CECR2: variants seen among roughly 807,000 people sequenced by gnomAD.
CECR2 encodes CECR2 histone acetyl-lysine reader.
In CECR2, 30 loss-of-function variants were observed where a neutral mutation model predicts 154.5. That is an observed-to-expected ratio of 0.19 (90% CI 0.15 to 0.26). The LOEUF (loss-of-function observed/expected upper bound fraction) is 0.26. Among genes scored for constraint, CECR2 ranks in the 10% least tolerant of loss-of-function variants. The pLI is 1.00. For missense variants in CECR2, 1,743 were observed against 1,829.3 expected (o/e 0.95, Z 0.86); for synonymous variants, 725 against 683.7 (o/e 1.06, Z -0.94).
chr22:17,526,233 A>G (rs1340851899), intron 9 of CECR2, among the ~76,000 whole-genome samples: 2 of 152,234 alleles, frequency 1.3e-5, no homozygotes, highest in Non-Finnish European at 2.9e-5. Flanking sequence ...ACCTGGAGGA[A>G]TTACCTGACT....
rs148664999 is a variant in CECR2 at position 17,471,149 on chromosome 22, C to T, written c.127-6439C>T. On this transcript the variant is annotated intron_variant, in intron 1 of 18. Coordinates refer to ENST00000262608, the MANE Select transcript of CECR2 (RefSeq NM_001290047.2). ...AAAGTAAAACTCTAGGAACCTGTGC[C>T]ATTTTTACCCTGTGGCTTTTTATAT... Among the ~76,000 whole-genome samples the T allele has an allele frequency of 9.4e-3, 1,429 of 152,286 alleles. 23 individuals are homozygous for T. The highest frequency in any genetic ancestry group is 0.033 in the African/African-American group (1,357 of 41,558).
intron 1 of CECR2, among the ~76,000 whole-genome samples, chr22:17,378,604 G>T (rs1601247062): frequency 6.6e-6 from 1 of 152,278 alleles, no homozygotes; most frequent in Middle Eastern, 3.4e-3. Context: ...AAGATGTTTA[G>T]CAGTATTGTT....
At chr22:17,503,701 G>A (rs1247315530) in intron 6 of CECR2, among the ~76,000 whole-genome samples, 1 of 151,236 alleles carries the variant, frequency 6.6e-6, no homozygotes, top group Admixed American at 6.6e-5. Flanking sequence ...TTTTTTTTTA[G>A]TTGTTAACAA....
intron 9 of CECR2, among the ~76,000 whole-genome samples, chr22:17,531,525 G>A (rs2056355384): frequency 6.6e-6 from 1 of 152,156 alleles, no homozygotes; most frequent in Non-Finnish European, 1.5e-5. Context: ...CATGAAAATT[G>A]GATTTGCAAC....
chr22:17,478,909 C>T (rs995577481), intron 2 of CECR2, among the ~76,000 whole-genome samples: 5 of 152,092 alleles, frequency 3.3e-5, no homozygotes, highest in East Asian at 1.9e-4. Flanking sequence ...TATTTTCTTC[C>T]GTTCTCTATT....
intron 8 of CECR2, among the ~76,000 whole-genome samples, chr22:17,517,267 T>C (rs1027253430): frequency 1.3e-5 from 2 of 152,232 alleles, no homozygotes; most frequent in African/African-American, 4.8e-5. Context: ...TTCGCTGTGC[T>C]AAGACGTGCT....
intron 9 of CECR2, among the ~76,000 whole-genome samples, chr22:17,530,466 G>C (rs1394309726): frequency 6.6e-6 from 1 of 151,980 alleles, no homozygotes; most frequent in Non-Finnish European, 1.5e-5. Context: ...GAGGTCAGGA[G>C]ATTGACACCA....
At chr22:17,480,419 T>C (rs1450787288) in intron 2 of CECR2, among the ~76,000 whole-genome samples, 11 of 137,426 alleles carry the variant, frequency 8.0e-5, no homozygotes, top group African/African-American at 1.9e-4. Context: ...TCATGTATAA[T>C]ACACACACAC....
chr22:17,469,547 C>T (rs948202895), intron 1 of CECR2, among the ~76,000 whole-genome samples: 1 of 151,934 alleles, frequency 6.6e-6, no homozygotes, highest in African/African-American at 2.4e-5. Flanking sequence ...GGACCTCTTT[C>T]CCATGATGGA....
intron 1 of CECR2, among the ~76,000 whole-genome samples, chr22:17,453,792 T>C (rs759745935): frequency 4.6e-5 from 7 of 152,088 alleles, no homozygotes; most frequent in Non-Finnish European, 1.0e-4. Context: ...CATGTAAGAG[T>C]TGTGTCTGGG....
At chr22:17,436,148 C>T (rs1013392509) in intron 1 of CECR2, among the ~76,000 whole-genome samples, 6 of 152,032 alleles carry the variant, frequency 3.9e-5, no homozygotes, top group African/African-American at 7.2e-5. Context: ...TTAGTAGAGA[C>T]GGGGTTTCAC....
chr22:17,401,761 C>T (rs1349304220), intron 1 of CECR2, among the ~76,000 whole-genome samples: 2 of 151,954 alleles, frequency 1.3e-5, no homozygotes, highest in Admixed American at 6.6e-5. Context: ...AGACACATGC[C>T]TCCGTTTCTC....
intron 1 of CECR2, among the ~76,000 whole-genome samples, chr22:17,379,041 C>G (rs2063154301): frequency 6.6e-6 from 1 of 152,136 alleles, no homozygotes; most frequent in Non-Finnish European, 1.5e-5. Flanking sequence ...ACTGCAATGT[C>G]TGCTTCCCAG....
chr22:17,391,041 C>T (rs2063320446), intron 1 of CECR2, among the ~76,000 whole-genome samples: 1 of 152,190 alleles, frequency 6.6e-6, no homozygotes, highest in Non-Finnish European at 1.5e-5. Flanking sequence ...GCCACATTGG[C>T]TGAACCATTT....
chr22:17,448,125 C>G (rs1054013284), intron 1 of CECR2, among the ~76,000 whole-genome samples: 1 of 152,166 alleles, frequency 6.6e-6, no homozygotes. Context: ...CCGGTAACGT[C>G]TGTATTTTAA....
chr22:17,528,696 C>T (rs1196823623), intron 9 of CECR2, among the ~76,000 whole-genome samples: 3 of 152,068 alleles, frequency 2.0e-5, no homozygotes, highest in South Asian at 2.1e-4. Flanking sequence ...CTACCACACC[C>T]GGCTAATTTT....
rs150518248 is a variant in CECR2 at position 17,379,536 on chromosome 22, C to T, written c.126+9627C>T. On this transcript the variant is annotated intron_variant, in intron 1 of 18. Transcript: ENST00000262608. ...TTGAGCAGTGGTGTACTGGGGAGGG[C>T]GTTATCCATGACCAGGTCAAAAGTT... Among the ~76,000 whole-genome samples the T allele has an allele frequency of 3.0e-3, 446 of 148,980 alleles. 2 individuals carry two copies. Among genetic ancestry groups the T allele is most frequent in the Non-Finnish European group, 5.2e-3 (355 of 67,666 alleles).
At chr22:17,508,580 A>C (rs1472988408) in intron 7 of CECR2, among the ~76,000 whole-genome samples, 2 of 152,030 alleles carry the variant, frequency 1.3e-5, no homozygotes, top group South Asian at 2.1e-4. Flanking sequence ...AGTAGACTAC[A>C]CCATCTAGGA....
At chr22:17,540,879 C>A in intron 14 of CECR2, 79 bp downstream of exon 14, 1 of 1,396,796 alleles carries the variant, frequency 7.2e-7, no homozygotes, top group East Asian at 2.5e-5. Context: ...TCAGTTAGTA[C>A]TTCCTGCAAA....
Sources: allele counts gnomAD v4.1 joint callset (sites outside exome capture counted in the v4.1 genomes callset), GRCh38; gene constraint gnomAD v4.1.1; transcripts MANE v1.5; gene names NCBI Gene and HGNC (gene_info 2026-07-23, HGNC 2026-07-21).